ADGRL2: variants seen among roughly 807,000 people sequenced by gnomAD.
The protein encoded by ADGRL2 is adhesion G protein-coupled receptor L2.
In ADGRL2, 44 loss-of-function variants were observed where a neutral mutation model predicts 157.4. The observed-to-expected ratio is 0.28, with a 90% CI of 0.22 to 0.36. ADGRL2 has a LOEUF of 0.36. Among genes scored for constraint, ADGRL2 ranks in the 10% least tolerant of loss-of-function variants. The pLI is 1.00. For missense variants in ADGRL2, 1,510 were observed against 1,768.9 expected (o/e 0.85, Z 2.63); for synonymous variants, 585 against 624.7 (o/e 0.94, Z 0.95).
At chr1:81,766,777 C>T (rs895331494) in intron 2 of ADGRL2, among the ~76,000 whole-genome samples, 9 of 135,324 alleles carry the variant, frequency 6.7e-5, no homozygotes, top group Admixed American at 1.8e-4. Context: ...TTGTGGTGAG[C>T]GGAGATTGCA....
At chr1:81,384,586 A>G (rs1189114307) in intron 1 of ADGRL2, among the ~76,000 whole-genome samples, 1 of 152,216 alleles carries the variant, frequency 6.6e-6, no homozygotes, top group African/African-American at 2.4e-5. Flanking sequence ...GCGTAAAATA[A>G]CAGGTTTATA....
chr1:81,322,713 T>C (rs1263208944), intron 1 of ADGRL2, among the ~76,000 whole-genome samples: 1 of 151,932 alleles, frequency 6.6e-6, no homozygotes, highest in Non-Finnish European at 1.5e-5. Context: ...ATATCAAAAA[T>C]ATGGGGCCAA....
chr1:81,412,073 G>A (rs772336773), intron 1 of ADGRL2, among the ~76,000 whole-genome samples: 41 of 152,072 alleles, frequency 2.7e-4, no homozygotes, highest in Non-Finnish European at 4.1e-4. Context: ...ATATACATAA[G>A]TTTTTCATGC....
intron 2 of ADGRL2, among the ~76,000 whole-genome samples, chr1:81,460,310 T>G (rs988892297): frequency 6.6e-6 from 1 of 151,864 alleles, no homozygotes; most frequent in South Asian, 2.1e-4. Context: ...TGGGTTGATA[T>G]CTCCAGAATA....
chr1:81,694,434 T>C (rs922312949), intron 3 of ADGRL2, among the ~76,000 whole-genome samples: 6 of 151,936 alleles, frequency 3.9e-5, no homozygotes, highest in African/African-American at 1.5e-4. Flanking sequence ...TAGCACACTA[T>C]CTGGTACATA....
rs191095403 is a variant in ADGRL2 at position 81,689,906 on chromosome 1, C to A, written c.-142-71905C>A. Among the ~76,000 whole-genome samples the A allele has an allele frequency of 6.0e-4, 92 of 152,312 alleles. No individual in the cohort carries two copies. In the South Asian group the frequency reaches 7.0e-3, roughly 12 times the overall value. On this transcript the variant is annotated intron_variant, in intron 3 of 24. Transcript: ENST00000370721. ...TTTTCACAACGCCCTCTCATTTTCACTGACCAGACCCAGTCTTTGGATGAG... is the reference window on the plus strand; with the variant it reads ...TTTTCACAACGCCCTCTCATTTTCAATGACCAGACCCAGTCTTTGGATGAG...
At chr1:81,630,574 G>C (rs956705626) in intron 3 of ADGRL2, among the ~76,000 whole-genome samples, 1 of 152,092 alleles carries the variant, frequency 6.6e-6, no homozygotes, top group African/African-American at 2.4e-5. Flanking sequence ...TATGACCTTC[G>C]AGTTTCTTTT....
chr1:81,931,633 T>C (rs1192850698), intron 3 of ADGRL2, among the ~76,000 whole-genome samples: 1 of 152,162 alleles, frequency 6.6e-6, no homozygotes, highest in African/African-American at 2.4e-5. Flanking sequence ...TTCTACTTAG[T>C]ATTTAATCAT....
At chr1:81,354,764 G>T (rs1303893231) in intron 1 of ADGRL2, among the ~76,000 whole-genome samples, 2 of 152,146 alleles carry the variant, frequency 1.3e-5, no homozygotes, top group Admixed American at 6.6e-5. Flanking sequence ...CAGCAAGCTT[G>T]CAAGGACAGA....
At position 81,559,720 on chromosome 1, in the gene ADGRL2, G is replaced by A. The variant is rs540386989; in HGVS notation, c.-247-21156G>A. Among the ~76,000 whole-genome samples, 5 of 152,236 alleles carry A rather than the reference G, an allele frequency of 3.3e-5. No individual in the cohort carries two copies. In the East Asian group the frequency reaches 9.6e-4, roughly 29 times the overall value. The stretch of plus-strand genomic sequence containing the variant: ...AAAGTAATTTTCTGACCCAGTGCAG[G>A]TGTTATGTTTTTCATCTCTAGGGAG... On this transcript the variant is annotated intron_variant, in intron 2 of 24. Coordinates refer to the ADGRL2 transcript ENST00000370721.
At chr1:81,726,126 G>T (rs1248888712) in intron 1 of ADGRL2, among the ~76,000 whole-genome samples, 1 of 152,168 alleles carries the variant, frequency 6.6e-6, no homozygotes, top group Non-Finnish European at 1.5e-5. Context: ...CTTCTGTACA[G>T]TGTCCACTCT....
chr1:81,492,771 C>T (rs1416502348), intron 2 of ADGRL2, among the ~76,000 whole-genome samples: 3 of 152,172 alleles, frequency 2.0e-5, no homozygotes. Context: ...AGATACTATT[C>T]TGATCTGCTG....
At chr1:81,600,534 G>A (rs945712360) in intron 3 of ADGRL2, among the ~76,000 whole-genome samples, 1 of 152,168 alleles carries the variant, frequency 6.6e-6, no homozygotes, top group Non-Finnish European at 1.5e-5. Flanking sequence ...CAGCAGCAGG[G>A]CAAATTGCTG....
intron 1 of ADGRL2, among the ~76,000 whole-genome samples, chr1:81,323,138 G>A (rs1476511322): frequency 6.6e-6 from 1 of 152,012 alleles, no homozygotes; most frequent in African/African-American, 2.4e-5. Flanking sequence ...GATTACAGGT[G>A]TGAGCCACCG....
In ADGRL2 at chr1:81,638,670, T is replaced by C. The variant is rs569568032; in HGVS notation, c.-143+57690T>C. On this transcript the variant is annotated intron_variant, in intron 3 of 24. Transcript: ENST00000370721. ...TAGGGCAGCCACTGGAAAAAAACTT[T>C]AAAAACAAGTATAACTGATATGCTG... Among the ~76,000 whole-genome samples, 222 of 152,226 alleles carry C rather than the reference T, an allele frequency of 1.5e-3. 4 individuals carry two copies. The highest frequency in any genetic ancestry group is 2.1e-4 in the Non-Finnish European group (14 of 68,030).
chr1:81,647,423 CA>C (rs2082335354), intron 3 of ADGRL2, among the ~76,000 whole-genome samples: 1 of 152,168 alleles, frequency 6.6e-6, no homozygotes, highest in Non-Finnish European at 1.5e-5. Context: ...ACATATCCCA[CA>C]AGTGGATAAC....
At chr1:81,893,909 A>G (rs1203576538) in intron 2 of ADGRL2, among the ~76,000 whole-genome samples, 1 of 152,192 alleles carries the variant, frequency 6.6e-6, no homozygotes, top group Non-Finnish European at 1.5e-5. Flanking sequence ...ACAAACCTCA[A>G]TAGCAAACAC....
intron 1 of ADGRL2, among the ~76,000 whole-genome samples, chr1:81,806,181 A>C (rs1439270600): frequency 6.6e-6 from 1 of 152,094 alleles, no homozygotes; most frequent in Admixed American, 6.5e-5. Flanking sequence ...GAGAATTTCC[A>C]ATAAGTATAA....
intron 1 of ADGRL2, among the ~76,000 whole-genome samples, chr1:81,753,685 T>C (rs749022450): frequency 3.3e-5 from 5 of 152,248 alleles, no homozygotes; most frequent in African/African-American, 9.6e-5. Flanking sequence ...ATTCGGAATT[T>C]AAATATTAAA....
Sources: allele counts gnomAD v4.1 joint callset (sites outside exome capture counted in the v4.1 genomes callset), GRCh38; gene constraint gnomAD v4.1.1; transcripts MANE v1.5; gene names NCBI Gene and HGNC (gene_info 2026-07-23, HGNC 2026-07-21).